Variants in SASH1 observed in about 807,000 individuals in gnomAD.
The protein encoded by SASH1 is SAM and SH3 domain-containing protein 1.
A neutral mutation model predicts 125.2 loss-of-function variants in SASH1; 44 were observed. The observed-to-expected ratio is 0.35, with a 90% CI of 0.28 to 0.45. SASH1 has a LOEUF of 0.45. Among genes scored for constraint, SASH1 ranks in the 20% least tolerant of loss-of-function variants. SASH1 has a pLI of 1.00. For synonymous variants in SASH1, 639 were observed against 649.1 expected (o/e 0.98, Z 0.24); for missense variants, 1,426 against 1,614.5 (o/e 0.88, Z 2.00).
the SASH1 span, among the ~76,000 whole-genome samples, chr6:148,200,361 A>G: frequency 6.6e-6 from 1 of 152,196 alleles, no homozygotes; most frequent in Non-Finnish European, 1.5e-5. Flanking sequence ...GTTGGCTAGA[A>G]GCTCAAGGCT....
intron 2 of SASH1, among the ~76,000 whole-genome samples, chr6:148,424,244 T>G (rs75585915): frequency 0.064 from 9,577 of 148,612 alleles, 315 homozygotes; most frequent in East Asian, 0.083. Context: ...TTTTTTTTTT[T>G]GGGGGGGGGA....
intron 19 of SASH1, among the ~76,000 whole-genome samples, chr6:148,547,349 G>A (rs966918151): frequency 6.6e-6 from 1 of 152,154 alleles, no homozygotes; most frequent in African/African-American, 2.4e-5. Flanking sequence ...TTGTCAGGTG[G>A]GACAGAGCTG....
chr6:148,326,017 T>A (rs1286431828), intron 1 of SASH1, among the ~76,000 whole-genome samples: 1 of 141,508 alleles, frequency 7.1e-6, no homozygotes, highest in Non-Finnish European at 1.5e-5. Context: ...CCTCAGTGAT[T>A]CCACATTGCT....
intron 1 of SASH1, among the ~76,000 whole-genome samples, chr6:148,275,483 A>G (rs1333450365): frequency 6.6e-6 from 1 of 152,070 alleles, no homozygotes. Context: ...AAACATTCAC[A>G]CAGTTAATAC....
chr6:148,539,259 G>T (rs993239940), intron 16 of SASH1, among the ~76,000 whole-genome samples: 8 of 151,898 alleles, frequency 5.3e-5, no homozygotes, highest in Admixed American at 3.9e-4. Context: ...TTACATGGAT[G>T]AATTATATAG....
chr6:148,215,264 C>A, the SASH1 span, among the ~76,000 whole-genome samples: 2 of 152,178 alleles, frequency 1.3e-5, no homozygotes, highest in African/African-American at 4.8e-5. Flanking sequence ...ATTCAATAAG[C>A]ATCTGGAAAA....
At chr6:148,497,813 G>A (rs1490177177) in intron 8 of SASH1, among the ~76,000 whole-genome samples, 1 of 152,200 alleles carries the variant, frequency 6.6e-6, no homozygotes, top group Non-Finnish European at 1.5e-5. Flanking sequence ...TTAAGGGTGG[G>A]TCTGGTATGA....
chr6:148,299,386 G>A (rs1035535295), intron 1 of SASH1, among the ~76,000 whole-genome samples: 14 of 148,518 alleles, frequency 9.4e-5, no homozygotes, highest in East Asian at 5.8e-4. Flanking sequence ...AAAGACTGTC[G>A]TTGGGTGCGG....
chr6:148,354,654 T>C (rs546819141), intron 1 of SASH1, among the ~76,000 whole-genome samples: 53 of 152,338 alleles, frequency 3.5e-4, no homozygotes, highest in Admixed American at 2.6e-3. Context: ...ACCAGACTTA[T>C]GAAAAACTTG....
At chr6:148,339,840 C>T (rs1021398131), upstream of SASH1, among the ~76,000 whole-genome samples, 1 of 152,094 alleles carries the variant, frequency 6.6e-6, no homozygotes, top group Non-Finnish European at 1.5e-5. Flanking sequence ...CCACCATGCC[C>T]GGCCCGTTTA....
intron 2 of SASH1, among the ~76,000 whole-genome samples, chr6:148,410,267 C>A (rs190892285): frequency 1.3e-5 from 2 of 151,542 alleles, no homozygotes; most frequent in African/African-American, 2.4e-5. Flanking sequence ...CCCGCCACCA[C>A]GCCCAGCTAA....
the SASH1 span, among the ~76,000 whole-genome samples, chr6:148,229,416 G>C: frequency 6.3e-4 from 95 of 151,610 alleles, no homozygotes; most frequent in African/African-American, 2.2e-3. Context: ...ATTAACATTC[G>C]GGCAAAAAGT....
At chr6:148,323,403 C>CT (rs1479083518) in intron 1 of SASH1, among the ~76,000 whole-genome samples, 18 of 152,312 alleles carry the variant, frequency 1.2e-4, no homozygotes, top group African/African-American at 2.6e-4. Context: ...GACACCTGTA[C>CT]TTTTTTAAAG....
chr6:148,350,538 C>T (rs989493883), intron 1 of SASH1, among the ~76,000 whole-genome samples: 1 of 152,178 alleles, frequency 6.6e-6, no homozygotes, highest in African/African-American at 2.4e-5. Flanking sequence ...CTCAATTTTA[C>T]AAAGGATGTA....
intron 1 of SASH1, among the ~76,000 whole-genome samples, chr6:148,277,601 CATT>C (rs1779221575): frequency 6.6e-6 from 1 of 152,200 alleles, no homozygotes; most frequent in Non-Finnish European, 1.5e-5. Context: ...AGTTTGCAGA[CATT>C]ATTATGTTGA....
In SASH1 at chr6:148,551,934, T is replaced by G. The variant is rs937490409; in HGVS notation, c.*3376T>G. 6.6e-5 allele frequency: 10 copies of G among 152,656 alleles called. No individual in the cohort carries two copies. The highest frequency in any genetic ancestry group is 2.4e-4 in the African/African-American group (10 of 41,466). 9.5% of individuals were successfully genotyped at this position (152,656 alleles called of 1,614,324 possible). Reference sequence around the variant, plus strand: ...AAATTGTAAAAATTATTGTGATGATTCATTTAGCATAAAGAGAGGTGGACG... The same window carrying G: ...AAATTGTAAAAATTATTGTGATGATGCATTTAGCATAAAGAGAGGTGGACG... On this transcript the variant is annotated 3_prime_UTR_variant, in exon 20 of 20. Transcript: ENST00000367467.
chr6:148,358,601 A>G (rs2495956), intron 1 of SASH1, among the ~76,000 whole-genome samples: 103,051 of 151,968 alleles, frequency 0.68, 35,180 homozygotes, highest in Middle Eastern at 0.79. Flanking sequence ...ACAACTAGGG[A>G]TATGGCCAGA....
At chr6:148,224,123 G>A in the SASH1 span, among the ~76,000 whole-genome samples, 1 of 152,120 alleles carries the variant, frequency 6.6e-6, no homozygotes, top group African/African-American at 2.4e-5. Flanking sequence ...GTGATAGCTT[G>A]TCTCTACCAA....
chr6:148,225,769 C>T, the SASH1 span, among the ~76,000 whole-genome samples: 2 of 152,166 alleles, frequency 1.3e-5, no homozygotes, highest in African/African-American at 4.8e-5. Context: ...TAGATAACAA[C>T]CCAGTGAGGC....
Sources: gnomAD v4.1 joint callset for allele counts (sites outside exome capture counted in the v4.1 genomes callset) on GRCh38, gnomAD v4.1.1 for gene constraint, MANE v1.5 for transcripts, NCBI Gene and HGNC (gene_info 2026-07-23, HGNC 2026-07-21) for gene names.